The following THSD7A variants were observed in gnomAD, a reference collection of about 807,000 sequenced individuals.
THSD7A encodes thrombospondin type-1 domain-containing protein 7A.
Under a neutral mutation model 231.3 loss-of-function variants are expected in THSD7A, and 96 were observed. That is an observed-to-expected ratio of 0.41 (90% confidence interval 0.35 to 0.49). The LOEUF (loss-of-function observed/expected upper bound fraction) is 0.49. Ranked by LOEUF, THSD7A falls within the 20% of genes least tolerant of loss-of-function variation. THSD7A has a pLI of 0.05. For synonymous variants in THSD7A, 940 were observed against 743.3 expected (o/e 1.26, Z -4.30); for missense variants, 2,290 against 2,070.2 (o/e 1.11, Z -2.06).
At chr7:11,582,052 A>G (rs1791187818) in intron 4 of THSD7A, among the ~76,000 whole-genome samples, 1 of 151,984 alleles carries the variant, frequency 6.6e-6, no homozygotes. Context: ...TTCTGTAATA[A>G]TCTTTTACTC....
intron 13 of THSD7A, among the ~76,000 whole-genome samples, chr7:11,436,380 G>A (rs1015882467): frequency 2.6e-5 from 4 of 152,008 alleles, no homozygotes; most frequent in South Asian, 4.1e-4. Context: ...CTAGTTTACT[G>A]GATTCTAATA....
At chr7:11,781,033 A>AAAAAAAAAAAAAAAC (rs1783612053) in intron 1 of THSD7A, among the ~76,000 whole-genome samples, 1 of 137,850 alleles carries the variant, frequency 7.3e-6, no homozygotes, top group East Asian at 2.1e-4. Flanking sequence ...AAAAAAAAAA[A>AAAAAAAAAAAAAAAC]AAAAATTTAT....
intron 6 of THSD7A, among the ~76,000 whole-genome samples, chr7:11,508,178 T>C (rs1405317895): frequency 4.6e-5 from 7 of 152,134 alleles, no homozygotes; most frequent in East Asian, 1.9e-4. Context: ...CCCTGGAGAT[T>C]ACAATTTGGA....
chr7:11,616,954 T>C (rs1026923227), intron 2 of THSD7A, among the ~76,000 whole-genome samples: 1 of 152,224 alleles, frequency 6.6e-6, no homozygotes, highest in Admixed American at 6.5e-5. Context: ...ATTATCATCT[T>C]ATTATTCAAG....
At chr7:11,550,339 A>G (rs7808317) in intron 4 of THSD7A, among the ~76,000 whole-genome samples, 38,592 of 152,002 alleles carry the variant, frequency 0.25, 4,982 homozygotes, top group Middle Eastern at 0.38. Context: ...ACCAGAAGTG[A>G]CACAAATAAA....
chr7:11,598,909 T>C (rs1349344297), intron 2 of THSD7A, among the ~76,000 whole-genome samples: 1 of 152,136 alleles, frequency 6.6e-6, no homozygotes, highest in Non-Finnish European at 1.5e-5. Flanking sequence ...AAGTTAAGGT[T>C]GCTACCTGGA....
At chr7:11,683,584 A>G (rs1373098527) in intron 1 of THSD7A, among the ~76,000 whole-genome samples, 2 of 152,112 alleles carry the variant, frequency 1.3e-5, no homozygotes, top group Non-Finnish European at 2.9e-5. Context: ...CTCAGATTCT[A>G]CTATGAACAT....
chr7:11,712,005 G>A (rs1780980975), intron 1 of THSD7A, among the ~76,000 whole-genome samples: 3 of 151,020 alleles, frequency 2.0e-5, no homozygotes, highest in Admixed American at 6.6e-5. Flanking sequence ...AAAACACTCA[G>A]CTGAAACCTT....
intron 1 of THSD7A, among the ~76,000 whole-genome samples, chr7:11,749,538 T>C (rs756201834): frequency 2.0e-5 from 3 of 151,964 alleles, no homozygotes; most frequent in Non-Finnish European, 2.9e-5. Context: ...ACCAAGTATT[T>C]GGGTTTAACA....
intron 1 of THSD7A, among the ~76,000 whole-genome samples, chr7:11,692,322 TTA>T: frequency 6.6e-6 from 1 of 151,670 alleles, no homozygotes; most frequent in African/African-American, 2.4e-5. Context: ...AGCTAATCAT[TTA>T]TGTAAATAAA....
intron 1 of THSD7A, among the ~76,000 whole-genome samples, chr7:11,706,704 G>C (rs1210708860): frequency 7.5e-6 from 1 of 133,818 alleles, no homozygotes; most frequent in African/African-American, 2.8e-5. Flanking sequence ...TTAAATCATG[G>C]TATATCCACA....
At chr7:11,384,334 T>A (rs1782643762) in intron 23 of THSD7A, 1 of 151,656 alleles carries the variant, frequency 6.6e-6, no homozygotes, top group African/African-American at 2.4e-5. Context: ...TTGTGGCTTG[T>A]CCTGTAACCT....
chr7:11,731,846 C>G (rs1011373063), intron 1 of THSD7A, among the ~76,000 whole-genome samples: 2 of 151,398 alleles, frequency 1.3e-5, no homozygotes, highest in Non-Finnish European at 3.0e-5. Flanking sequence ...TTCCATCCCT[C>G]TGCTTTAGAA....
At chr7:11,536,974 T>C (rs1465647499) in intron 6 of THSD7A, among the ~76,000 whole-genome samples, 1 of 152,172 alleles carries the variant, frequency 6.6e-6, no homozygotes, top group African/African-American at 2.4e-5. Flanking sequence ...ATACAAATTG[T>C]ACTATAAGAC....
At chr7:11,557,496 C>G (rs892016521) in intron 4 of THSD7A, among the ~76,000 whole-genome samples, 1 of 152,082 alleles carries the variant, frequency 6.6e-6, no homozygotes, top group Non-Finnish European at 1.5e-5. Context: ...TGGTAACTCC[C>G]TGGTTCTTGG....
At chr7:11,602,709 C>A (rs1407332953) in intron 2 of THSD7A, among the ~76,000 whole-genome samples, 3 of 151,614 alleles carry the variant, frequency 2.0e-5, no homozygotes, top group Admixed American at 1.3e-4. Context: ...TTATGTAAGT[C>A]TAGAATAAGA....
At chr7:11,761,779 G>T (rs953308674) in intron 1 of THSD7A, among the ~76,000 whole-genome samples, 34 of 151,956 alleles carry the variant, frequency 2.2e-4, no homozygotes, top group African/African-American at 7.7e-4. Context: ...TAGATTTGGG[G>T]GTACACGTGC....
At chr7:11,656,936 G>T (rs1173495917) in intron 1 of THSD7A, among the ~76,000 whole-genome samples, 1 of 151,804 alleles carries the variant, frequency 6.6e-6, no homozygotes, top group Non-Finnish European at 1.5e-5. Flanking sequence ...AAGAGAAAAA[G>T]ATTAACTTTG....
chr7:11,731,378 A>G (rs1420616106), intron 1 of THSD7A, among the ~76,000 whole-genome samples: 1 of 151,620 alleles, frequency 6.6e-6, no homozygotes, highest in African/African-American at 2.4e-5. Context: ...TCTTCTTAAT[A>G]AGGTCTTATT....
Sources: gnomAD v4.1 joint callset for allele counts (sites outside exome capture counted in the v4.1 genomes callset) on GRCh38, gnomAD v4.1.1 for gene constraint, MANE v1.5 for transcripts, NCBI Gene and HGNC (gene_info 2026-07-23, HGNC 2026-07-21) for gene names.